The following ZNF644 variants were observed in gnomAD, a reference collection of about 807,000 sequenced individuals.
ZNF644 encodes zinc finger motif enhancer binding protein 2.
A neutral mutation model predicts 108.0 loss-of-function variants in ZNF644; 20 were observed. The ratio of observed to expected loss-of-function variants is 0.19; its 90% CI spans 0.13 to 0.27. ZNF644 has a LOEUF of 0.27. ZNF644 is among the 10% of genes least tolerant of loss of function. The pLI is 1.00. For missense variants in ZNF644, 1,338 were observed against 1,548.9 expected, an observed-to-expected ratio of 0.86 and a Z score of 2.29; for synonymous variants, 542 against 539.1, an observed-to-expected ratio of 1.01 and a Z score of -0.08.
intron 2 of ZNF644, among the ~76,000 whole-genome samples, chr1:90,981,400 T>C (rs1656537806): frequency 6.6e-6 from 1 of 152,078 alleles, no homozygotes; most frequent in Admixed American, 6.6e-5. Flanking sequence ...AAAATTTTGC[T>C]TCAAAACATG....
intron 1 of ZNF644, among the ~76,000 whole-genome samples, chr1:90,991,733 C>T (rs1657655831): frequency 6.6e-6 from 1 of 152,078 alleles, no homozygotes; most frequent in Non-Finnish European, 1.5e-5. Flanking sequence ...CACTCACTAC[C>T]ACAACAACAG....
At chr1:90,959,465 T>A (rs1398916923) in intron 2 of ZNF644, among the ~76,000 whole-genome samples, 1 of 152,210 alleles carries the variant, frequency 6.6e-6, no homozygotes, top group Non-Finnish European at 1.5e-5. Flanking sequence ...TATAGCACTG[T>A]ATTCATAAAA....
At chr1:90,919,606 A>G (rs1476897438) in intron 4 of ZNF644, among the ~76,000 whole-genome samples, 2 of 152,132 alleles carry the variant, frequency 1.3e-5, no homozygotes, top group Admixed American at 1.3e-4. Context: ...TCCTTAGAAG[A>G]AGAGTCTAAT....
At chr1:90,981,576 T>C (rs180817106) in intron 2 of ZNF644, among the ~76,000 whole-genome samples, 25 of 152,158 alleles carry the variant, frequency 1.6e-4, no homozygotes, top group Admixed American at 1.4e-3. Context: ...TTCAATGTTC[T>C]TTTTCCCTTG....
chr1:90,939,342 G>A lies in ZNF644; in HGVS notation c.2012C>T (p.Ser671Leu), dbSNP rs1651699498. The A allele has an allele frequency of 2.3e-5, 37 of 1,614,002 alleles. No individual in the cohort carries two copies. The highest frequency in any genetic ancestry group is 3.1e-5 in the Non-Finnish European group (36 of 1,179,936). ...VKRTFGSTSQ[S>L]SSFSKIHKRP... Reference sequence around the variant, plus strand: ...CTTATGAATTTTTGAAAAACTACTTGATTGTGAGGTTGATCCAAATGTTCG... The same window carrying A: ...CTTATGAATTTTTGAAAAACTACTTAATTGTGAGGTTGATCCAAATGTTCG... The change falls in exon 3 of 6, where the codon TCA becomes TTA. Residue 671 changes from serine to leucine, a missense_variant. Physicochemically the swap from Ser to Leu is moderately radical, Grantham distance 145. This residue lies in a region of ZNF644 where 462 missense variants were observed against 472.6 expected (regional missense o/e 0.98). Transcript: ENST00000337393.
At position 90,944,764 on chromosome 1, in the gene ZNF644, T is replaced by G. The variant is rs552279917; in HGVS notation, c.45-3455A>C. Among the ~76,000 whole-genome samples, 16 of 152,310 alleles carry G rather than the reference T, an allele frequency of 1.1e-4. 1 individual carries two copies. The highest frequency in any genetic ancestry group is 1.0e-3 in the Admixed American group (16 of 15,302). Reference sequence around the variant, plus strand: ...TTACTACAAGTAGATTAACGTTTTGTGGGTACTTATTTTAGGAACAATTAA... The same window carrying G: ...TTACTACAAGTAGATTAACGTTTTGGGGGTACTTATTTTAGGAACAATTAA... On this transcript the variant is annotated intron_variant, in intron 2 of 5. Coordinates refer to ENST00000337393, the MANE Select transcript of ZNF644 (RefSeq NM_201269.3).
At chr1:90,962,078 C>T (rs372887869) in intron 2 of ZNF644, among the ~76,000 whole-genome samples, 27 of 152,030 alleles carry the variant, frequency 1.8e-4, no homozygotes, top group African/African-American at 6.5e-4. Flanking sequence ...TCTGAGTGAG[C>T]TAAATAAATG....
In ZNF644 at chr1:90,938,060, T is replaced by A. The variant is rs1354053563; in HGVS notation, c.3113A>T (p.His1038Leu). Residue 1038 changes from histidine (H) to leucine (L), a missense_variant, in exon 4 of 6, where the codon CAC (histidine) becomes CTC (leucine). His to Leu is a moderately conservative substitution (Grantham distance 99). Around this residue, in one of 6 missense-constraint regions of ZNF644, gnomAD observed 287 missense variants for 310.9 expected, o/e 0.92. Coordinates refer to ENST00000337393, the MANE Select transcript of ZNF644 (RefSeq NM_201269.3). This position sits in a 1 kb window ranked among gnomAD's most constrained non-coding sequence, Gnocchi z 4.2. ...CCAACCACCACAGAGCTGACAAGTG[T>A]GTTCAGAAGTGGTTTCAGACTTCTC... is the stretch of plus-strand genomic sequence containing the variant. ...AIEKSETTSEHTCQLCGGWFD... is the reference protein window; with the variant it reads ...AIEKSETTSELTCQLCGGWFD... 7.4e-6 allele frequency: 12 copies of A among 1,610,876 alleles called. No individual in the cohort carries two copies. The highest frequency in any genetic ancestry group is 1.0e-5 in the Non-Finnish European group (12 of 1,179,792).
chr1:90,944,497 GCTTA>G (rs1234467361), intron 2 of ZNF644, among the ~76,000 whole-genome samples: 1 of 151,500 alleles, frequency 6.6e-6, no homozygotes, highest in African/African-American at 2.4e-5. Flanking sequence ...ATAAAATATG[GCTTA>G]CTTACCCCTA....
intron 1 of ZNF644, among the ~76,000 whole-genome samples, chr1:91,013,451 TCACACACACA>T (rs10590932): frequency 7.8e-4 from 109 of 140,160 alleles, no homozygotes; most frequent in Non-Finnish European, 1.2e-3. Flanking sequence ...AATCTCTCTC[TCACACACACA>T]CACACACACA....
rs74099895 is a variant in ZNF644 at position 90,993,678 on chromosome 1, T to C, written c.-17-11308A>G. 7.9e-3 allele frequency among the ~76,000 whole-genome samples: 1,208 copies of C among 152,320 alleles called. 10 individuals carry two copies. The highest frequency in any genetic ancestry group is 0.027 in the African/African-American group (1,126 of 41,554). On this transcript the variant is annotated intron_variant, in intron 1 of 5. Transcript: ENST00000337393. Reference sequence around the variant, plus strand: ...AAGGAACAAATCTATTTCATTCTTTTATTAGCAGTAACTCTACAAGACATT... The same window carrying C: ...AAGGAACAAATCTATTTCATTCTTTCATTAGCAGTAACTCTACAAGACATT...
rs1651908702 is a variant in ZNF644 at position 90,940,983 on chromosome 1, G to A, written c.371C>T (p.Ser124Phe). 1.2e-6 allele frequency: 2 copies of A among 1,614,078 alleles called. No individual in the cohort carries two copies. The highest frequency in any genetic ancestry group is 1.1e-5 in the South Asian group (1 of 91,084). ...AAVNGPVSHSSLTKTSNMNKG... is the reference protein window; with the variant it reads ...AAVNGPVSHSFLTKTSNMNKG... Reference sequence around the variant, plus strand: ...ATTCATATTGGAAGTCTTAGTTAAGGAGGAGTGTGAAACTGGTCCATTAAC... The same window carrying A: ...ATTCATATTGGAAGTCTTAGTTAAGAAGGAGTGTGAAACTGGTCCATTAAC... The change falls in exon 3 of 6, where the codon TCC becomes TTC. Residue 124 changes from serine to phenylalanine, a missense_variant. Physicochemically the swap from Ser to Phe is radical, Grantham distance 155 (BLOSUM62 -2). Coordinates refer to ENST00000337393, the MANE Select transcript of ZNF644 (RefSeq NM_201269.3).
chr1:90,940,823 C>A lies in ZNF644; in HGVS notation c.531G>T (p.Leu177Phe). Residue 177 changes from leucine (L) to phenylalanine (F), a missense_variant, in exon 3 of 6, where the codon TTG (leucine) becomes TTT (phenylalanine). Transcript: ENST00000337393. ...TCTTAGCATGTGCTACATCTGATAA[C>A]AAAAATAAAACTTGGTGTTGACTTG... ...QKASQHQVLF[L>F]LSDVAHAKNP... is the part of the protein sequence containing the mutation. 6.2e-7 allele frequency: 1 copy of A among 1,613,970 alleles called. No individual in the cohort carries two copies. The highest frequency in any genetic ancestry group is 8.5e-7 in the Non-Finnish European group (1 of 1,179,958).
At chr1:91,002,466 G>A (rs1237630577) in intron 1 of ZNF644, among the ~76,000 whole-genome samples, 3 of 152,160 alleles carry the variant, frequency 2.0e-5, no homozygotes, top group Non-Finnish European at 2.9e-5. Context: ...TGGGAAAACT[G>A]GCTAGCCATA....
intron 1 of ZNF644, chr1:91,020,759 G>C (rs1660830302): frequency 6.6e-6 from 1 of 152,036 alleles, no homozygotes; most frequent in Admixed American, 6.6e-5. Context: ...AACTACTGCA[G>C]GGAGGGAATA....
intron 2 of ZNF644, among the ~76,000 whole-genome samples, chr1:90,965,715 T>A (rs1654791187): frequency 6.6e-6 from 1 of 152,176 alleles, no homozygotes; most frequent in Non-Finnish European, 1.5e-5. Context: ...ATAGTTCATA[T>A]CCAATGCACT....
At chr1:91,014,914 T>C (rs899452267) in intron 1 of ZNF644, among the ~76,000 whole-genome samples, 1 of 152,144 alleles carries the variant, frequency 6.6e-6, no homozygotes, top group Non-Finnish European at 1.5e-5. Flanking sequence ...AGGTTCAAAC[T>C]TGGCTACTCC....
chr1:90,933,894 T>C (rs1393924059), intron 4 of ZNF644, among the ~76,000 whole-genome samples: 1 of 152,224 alleles, frequency 6.6e-6, no homozygotes, highest in Non-Finnish European at 1.5e-5. Context: ...CTTTAAGTCC[T>C]AGTTTCCTAT....
chr1:90,931,505 T>C (rs939959658), intron 4 of ZNF644, among the ~76,000 whole-genome samples: 65 of 152,210 alleles, frequency 4.3e-4, no homozygotes, highest in African/African-American at 1.5e-3. Context: ...TTGATAAAGA[T>C]TGATCGGGGA....
Sources: allele counts gnomAD v4.1 joint callset (sites outside exome capture counted in the v4.1 genomes callset), GRCh38; gene constraint gnomAD v4.1.1; regional missense constraint gnomAD v4.1.1; non-coding constraint Gnocchi (gnomAD v3.1); transcripts MANE v1.5; gene names NCBI Gene and HGNC (gene_info 2026-07-23, HGNC 2026-07-21).